Variants in ADGRV1 observed in about 807,000 individuals in gnomAD.
ADGRV1 encodes the protein G-protein coupled receptor 98.
A neutral mutation model predicts 596.2 loss-of-function variants in ADGRV1; 359 were observed. The ratio of observed to expected loss-of-function variants is 0.60; its 90% CI spans 0.55 to 0.66. ADGRV1 has a LOEUF of 0.66. ADGRV1 is among the 30% of genes least tolerant of loss of function. The probability of loss-of-function intolerance (pLI) is 0.00; values close to 1 mark genes in which losing one functional copy is unlikely to be tolerated. For missense variants in ADGRV1, 7,274 were observed against 7,575.6 expected (o/e 0.96, Z 1.48); for synonymous variants, 2,681 against 2,679.2 (o/e 1.00, Z -0.02).
intron 36 of ADGRV1, 86 bp downstream of exon 36, chr5:90,704,574 A>C: frequency 1.4e-6 from 1 of 737,352 alleles, no homozygotes; most frequent in South Asian, 1.9e-5. Flanking sequence ...TAACAATTAG[A>C]TGCATACCAA....
At chr5:90,669,845 A>G (rs1455893823) in intron 21 of ADGRV1, among the ~76,000 whole-genome samples, 1 of 152,214 alleles carries the variant, frequency 6.6e-6, no homozygotes, top group Non-Finnish European at 1.5e-5. Flanking sequence ...GGCTGTATTC[A>G]AATTGTTCCC....
intron 85 of ADGRV1, chr5:91,031,263 C>T: frequency 6.3e-7 from 1 of 1,586,968 alleles, no homozygotes; most frequent in Admixed American, 1.7e-5. Flanking sequence ...GAATGTGTTC[C>T]AAGGCCAGCC....
chr5:90,627,937 C>G (rs1764998883), intron 7 of ADGRV1, 161 bp downstream of exon 7: 1 of 434,684 alleles, frequency 2.3e-6, no homozygotes, highest in African/African-American at 2.0e-5. Context: ...CACACACACA[C>G]ACACACACAC....
chr5:90,580,504 T>C (rs1757872600), intron 1 of ADGRV1, among the ~76,000 whole-genome samples: 1 of 151,672 alleles, frequency 6.6e-6, no homozygotes, highest in South Asian at 2.1e-4. Flanking sequence ...TATTTTACTC[T>C]TTTTTCTCTA....
Position 90,716,734 on chromosome 5 carries a change from A to C in ADGRV1, c.9447+5A>C, listed in dbSNP as rs767733901. 5.6e-6 allele frequency: 9 copies of C among 1,603,614 alleles called. No homozygotes were observed. Among genetic ancestry groups the C allele is most frequent in the Non-Finnish European group, 7.7e-6 (9 of 1,172,630 alleles). ...GAAGAAGGTGTTCGATTCAAGGTAC[A>C]GTAAGAAGCTTTAATGAGAATGGAA... On this transcript the variant is annotated splice_donor_5th_base_variant and intron_variant, in intron 43 of 89. Transcript: ENST00000405460.
chr5:90,938,813 A>T (rs1775931791), intron 83 of ADGRV1, among the ~76,000 whole-genome samples: 1 of 152,198 alleles, frequency 6.6e-6, no homozygotes, highest in Non-Finnish European at 1.5e-5. Context: ...TTTACAAAGT[A>T]TTGGTAGGAA....
intron 59 of ADGRV1, among the ~76,000 whole-genome samples, chr5:90,767,740 G>A (rs543373506): frequency 4.6e-5 from 7 of 150,998 alleles, no homozygotes; most frequent in African/African-American, 1.5e-4. Flanking sequence ...GCACAGAAAC[G>A]AATACCTTTT....
At chr5:90,600,918 T>G (rs1411706804) in intron 1 of ADGRV1, among the ~76,000 whole-genome samples, 1 of 152,020 alleles carries the variant, frequency 6.6e-6, no homozygotes, top group East Asian at 1.9e-4. Context: ...AAAAAAACAT[T>G]CAAAATATCC....
Position 90,728,741 on chromosome 5 carries a change from T to C in ADGRV1, c.10234T>C (p.Leu3412=), listed in dbSNP as rs750295469. 1 of 1,613,954 alleles carries C rather than the reference T, an allele frequency of 6.2e-7. No individual in the cohort carries two copies. Among genetic ancestry groups the C allele is most frequent in the South Asian group, 1.1e-5 (1 of 91,082 alleles). ...TGTCCGAGGTGTGCTGACCGTGGCC[T>C]TGTTCAACAAGGGAGGCTCTGTGTT... The part of the protein sequence containing the change: ...LPVRGVLTVA[L]FNKGGSVFLA... The change falls in exon 49 of 90, where the codon TTG becomes CTG. Residue 3412 remains leucine, a synonymous_variant. Transcript: ENST00000405460.
intron 83 of ADGRV1, among the ~76,000 whole-genome samples, chr5:90,951,947 T>C (rs1163473457): frequency 3.3e-5 from 5 of 152,206 alleles, no homozygotes; most frequent in Non-Finnish European, 2.9e-5. Flanking sequence ...ATTGCCATAA[T>C]ACTGTCATGC....
At chr5:90,857,298 C>G (rs1293401501) in intron 82 of ADGRV1, among the ~76,000 whole-genome samples, 1 of 151,784 alleles carries the variant, frequency 6.6e-6, no homozygotes, top group African/African-American at 2.4e-5. Flanking sequence ...GAAATACAAT[C>G]TAGATGTCAT....
At chr5:90,964,975 T>A (rs895411819) in intron 83 of ADGRV1, among the ~76,000 whole-genome samples, 6 of 152,212 alleles carry the variant, frequency 3.9e-5, no homozygotes, top group African/African-American at 1.4e-4. Flanking sequence ...GTCTATTTTG[T>A]TATCTATGTT....
intron 65 of ADGRV1, among the ~76,000 whole-genome samples, chr5:90,781,967 A>G (rs1758900589): frequency 6.6e-6 from 1 of 152,136 alleles, no homozygotes; most frequent in African/African-American, 2.4e-5. Flanking sequence ...TTACTGGCCT[A>G]GAGATGCAGG....
chr5:91,059,190 C>T (rs1370027629), intron 85 of ADGRV1, among the ~76,000 whole-genome samples: 3 of 152,164 alleles, frequency 2.0e-5, no homozygotes, highest in Non-Finnish European at 4.4e-5. Context: ...TGTATTCACT[C>T]ATTTGGTTCT....
Position 90,558,845 on chromosome 5 carries a change from G to A in ADGRV1, c.-51G>A, listed in dbSNP as rs1445404057. ...GCAAGGAGTACGGACGGGAGTCAGAGGCAGAGCGAGGGTGTGTGGAGGGCC... is the reference window on the plus strand; with the variant it reads ...GCAAGGAGTACGGACGGGAGTCAGAAGCAGAGCGAGGGTGTGTGGAGGGCC... On this transcript the variant is annotated 5_prime_UTR_variant, in exon 1 of 90. Transcript: ENST00000405460. 1.3e-6 allele frequency: 2 copies of A among 1,551,694 alleles called. No homozygotes were observed. The highest frequency in any genetic ancestry group is 1.4e-5 in the African/African-American group (1 of 73,686).
intron 87 of ADGRV1, among the ~76,000 whole-genome samples, chr5:91,108,599 C>CT (rs149909768): frequency 0.058 from 8,872 of 151,904 alleles, 368 homozygotes; most frequent in East Asian, 0.15. Flanking sequence ...TCTCTACAGT[C>CT]TTTTTTTTCC....
intron 14 of ADGRV1, among the ~76,000 whole-genome samples, 188 bp from the exon 15 acceptor site, chr5:90,644,518 A>T (rs916553834): frequency 6.6e-6 from 1 of 152,214 alleles, no homozygotes; most frequent in African/African-American, 2.4e-5. Context: ...TATTTATTAT[A>T]TACCTACAGA....
chr5:90,907,431 C>T (rs924259520), intron 83 of ADGRV1, among the ~76,000 whole-genome samples: 1 of 152,108 alleles, frequency 6.6e-6, no homozygotes, highest in South Asian at 2.1e-4. Flanking sequence ...GCCTCGAAAA[C>T]AAAGTCTAAC....
intron 5 of ADGRV1, 49 bp from the exon 6 acceptor site, chr5:90,625,081 C>T: frequency 9.3e-7 from 1 of 1,072,642 alleles, no homozygotes; most frequent in Non-Finnish European, 1.4e-6. Flanking sequence ...CTTTCTCAGT[C>T]TTGTGAAGTA....
Sources: allele counts gnomAD v4.1 joint callset (sites outside exome capture counted in the v4.1 genomes callset), GRCh38; gene constraint gnomAD v4.1.1; transcripts MANE v1.5; gene names NCBI Gene and HGNC (gene_info 2026-07-23, HGNC 2026-07-21).